Variants in FRMPD1 observed in about 807,000 individuals in gnomAD.
The protein encoded by FRMPD1 is FERM and PDZ domain-containing protein 1.
In FRMPD1, 76 loss-of-function variants were observed where a neutral mutation model predicts 117.8. That is an observed-to-expected ratio of 0.65 (90% confidence interval 0.54 to 0.78). The LOEUF (loss-of-function observed/expected upper bound fraction) is 0.78. Ranked by LOEUF, FRMPD1 falls within the 30% of genes least tolerant of loss-of-function variation. The pLI is 0.00. For missense variants in FRMPD1, 1,786 were observed against 1,964.5 expected (o/e 0.91, Z 1.72); for synonymous variants, 783 against 770.4 (o/e 1.02, Z -0.27).
At chr9:37,678,592 T>G (rs1402792011) in intron 1 of FRMPD1, among the ~76,000 whole-genome samples, 1 of 152,158 alleles carries the variant, frequency 6.6e-6, no homozygotes. Context: ...CTTAATTTCC[T>G]TTTTTGTTCA....
At chr9:37,688,507 A>C (rs757344751) in intron 1 of FRMPD1, among the ~76,000 whole-genome samples, 13 of 152,096 alleles carry the variant, frequency 8.5e-5, no homozygotes, top group Admixed American at 2.0e-4. Flanking sequence ...AATTCTTAAA[A>C]GTGAACATAT....
intron 14 of FRMPD1, among the ~76,000 whole-genome samples, chr9:37,738,093 G>A (rs892518479): frequency 6.6e-5 from 10 of 152,150 alleles, no homozygotes; most frequent in African/African-American, 1.7e-4. Flanking sequence ...CCTGCAGAGG[G>A]ACAAAAACAG....
intron 2 of FRMPD1, among the ~76,000 whole-genome samples, chr9:37,704,332 C>T (rs1448493735): frequency 1.3e-5 from 2 of 151,982 alleles, no homozygotes; most frequent in Non-Finnish European, 1.5e-5. Flanking sequence ...GTATTAACTA[C>T]GAGTTGAAAT....
chr9:37,623,885 T>A, the FRMPD1 span, among the ~76,000 whole-genome samples: 2 of 151,664 alleles, frequency 1.3e-5, no homozygotes, highest in African/African-American at 4.9e-5. Context: ...GGAAAAAAAA[T>A]CAATGAATTT....
chr9:37,736,354 A>G (rs1189665927), intron 13 of FRMPD1, among the ~76,000 whole-genome samples: 2 of 150,282 alleles, frequency 1.3e-5, no homozygotes, highest in African/African-American at 2.4e-5. Flanking sequence ...AAAAGCTTTG[A>G]GTGGTGGGCA....
chr9:37,637,963 G>GCTTGCTTGCTTTCTTT, the FRMPD1 span, among the ~76,000 whole-genome samples: 13 of 100,030 alleles, frequency 1.3e-4, 3 homozygotes, highest in Admixed American at 1.0e-3. Flanking sequence ...AATGGTGTAT[G>GCTTGCTTGCTTTCTTT]CTTTCTTTCT....
At chr9:37,707,884 C>G (rs1163147228) in intron 3 of FRMPD1, among the ~76,000 whole-genome samples, 1 of 152,210 alleles carries the variant, frequency 6.6e-6, no homozygotes, top group East Asian at 1.9e-4. Flanking sequence ...CTCTTTGAAC[C>G]CCACACGCTC....
At chr9:37,651,358 C>A (rs953676665) in intron 1 of FRMPD1, among the ~76,000 whole-genome samples, 1 of 152,226 alleles carries the variant, frequency 6.6e-6, no homozygotes, top group African/African-American at 2.4e-5. Context: ...TGAGTGGAAA[C>A]AGCGGCAACG....
At chr9:37,688,067 G>A (rs189838165) in intron 1 of FRMPD1, among the ~76,000 whole-genome samples, 11 of 152,112 alleles carry the variant, frequency 7.2e-5, no homozygotes, top group Non-Finnish European at 1.2e-4. Context: ...GAATGAGTTG[G>A]ATGCTTGAAG....
chr9:37,676,868 A>G (rs1821547333), intron 1 of FRMPD1, among the ~76,000 whole-genome samples: 2 of 152,120 alleles, frequency 1.3e-5, no homozygotes, highest in Admixed American at 6.5e-5. Flanking sequence ...TCTCTGCCTT[A>G]TATTGGTTAG....
intron 9 of FRMPD1, among the ~76,000 whole-genome samples, chr9:37,731,409 A>C (rs936312218): frequency 6.6e-6 from 1 of 152,158 alleles, no homozygotes; most frequent in Non-Finnish European, 1.5e-5. Flanking sequence ...TAGTGCTTTA[A>C]AACCTCGTTT....
At position 37,740,216 on chromosome 9, in the gene FRMPD1, GC is replaced by G; in HGVS notation, c.1692del (p.Thr565HisfsTer53). The G allele has an allele frequency of 6.2e-7, 1 of 1,613,996 alleles. No homozygotes were observed. Among genetic ancestry groups the G allele is most frequent in the East Asian group, 2.2e-5 (1 of 44,880 alleles). On this transcript the variant is annotated frameshift_variant, in exon 15 of 16. Coordinates refer to ENST00000377765, the MANE Select transcript of FRMPD1 (RefSeq NM_014907.3). LOFTEE classifies it high-confidence loss of function. The surrounding 1 kb of genome is among the most constrained non-coding windows in gnomAD (Gnocchi z 4.2). ...LIKEEQPPGN[S>X]PTPEVARRGP... ...AAGGAGGAGCAGCCTCCTGGGAACAGCCCCACACCTGAGGTGGCTAGGAGGG... is the reference window on the plus strand; with the variant it reads ...AAGGAGGAGCAGCCTCCTGGGAACAGCCCACACCTGAGGTGGCTAGGAGGG...
At position 37,744,982 on chromosome 9, in the gene FRMPD1, G is replaced by C; in HGVS notation, c.2950G>C (p.Ala984Pro). Reference sequence around the variant, plus strand: ...TTCATCTGGCCCAGATACTGCTCAGGCAAGGCCTTCCCAAATCTTACCTCT... The same window carrying C: ...TTCATCTGGCCCAGATACTGCTCAGCCAAGGCCTTCCCAAATCTTACCTCT... Reference protein sequence around the residue: ...PGSSGPDTAQARPSQILPLSQ... With the variant: ...PGSSGPDTAQPRPSQILPLSQ... The change falls in exon 16 of 16, where the codon GCA (alanine) becomes CCA (proline). Residue 984 changes from alanine to proline, a missense_variant. Ala to Pro is a conservative substitution (Grantham distance 27). Coordinates refer to ENST00000377765, the MANE Select transcript of FRMPD1 (RefSeq NM_014907.3). The C allele has an allele frequency of 6.2e-7, 1 of 1,614,188 alleles. No individual in the cohort carries two copies. Among genetic ancestry groups the C allele is most frequent in the South Asian group, 1.1e-5 (1 of 91,082 alleles).
chr9:37,728,164 G>C (rs897711036), intron 7 of FRMPD1: 1 of 152,214 alleles, frequency 6.6e-6, no homozygotes, highest in Non-Finnish European at 1.5e-5. Context: ...AACTCTATGA[G>C]ATAGGTGTTA....
intron 1 of FRMPD1, among the ~76,000 whole-genome samples, chr9:37,653,535 C>T (rs1332138917): frequency 1.3e-5 from 2 of 152,110 alleles, no homozygotes; most frequent in African/African-American, 4.8e-5. Context: ...AGGCAATGCC[C>T]TGTAAATACT....
chr9:37,704,857 A>G (rs1048774020), intron 2 of FRMPD1, among the ~76,000 whole-genome samples: 3 of 150,842 alleles, frequency 2.0e-5, no homozygotes, highest in African/African-American at 7.3e-5. Context: ...TAGTGTTTCC[A>G]TCCAGGAACC....
chr9:37,717,536 C>T (rs1372218802), intron 5 of FRMPD1, among the ~76,000 whole-genome samples: 4 of 151,662 alleles, frequency 2.6e-5, no homozygotes, highest in Non-Finnish European at 4.4e-5. Flanking sequence ...TGCACCACCA[C>T]GCTCGGCTAA....
the FRMPD1 span, among the ~76,000 whole-genome samples, chr9:37,603,841 G>A: frequency 2.0e-5 from 3 of 152,032 alleles, no homozygotes; most frequent in Non-Finnish European, 2.9e-5. Context: ...ACCACGCCCG[G>A]CTAATTTTTT....
At chr9:37,736,858 AGTGTGT>A (rs60521691) in intron 13 of FRMPD1, among the ~76,000 whole-genome samples, 29 of 148,102 alleles carry the variant, frequency 2.0e-4, no homozygotes, top group African/African-American at 6.7e-4. Flanking sequence ...AGTGCGTGAG[AGTGTGT>A]GTGTGTGTGT....
Sources: allele counts gnomAD v4.1 joint callset (sites outside exome capture counted in the v4.1 genomes callset), GRCh38; gene constraint gnomAD v4.1.1; non-coding constraint Gnocchi (gnomAD v3.1); transcripts MANE v1.5; gene names NCBI Gene and HGNC (gene_info 2026-07-23, HGNC 2026-07-21).